Variants in DNM1 observed in about 807,000 individuals in gnomAD.
The protein encoded by DNM1 is dynamin 1.
Under a neutral mutation model 104.6 loss-of-function variants are expected in DNM1, and 29 were observed. The observed-to-expected ratio is 0.28, with a 90% confidence interval of 0.21 to 0.38. The LOEUF (loss-of-function observed/expected upper bound fraction) is 0.38. DNM1 is among the 10% of genes least tolerant of loss of function. The pLI, the probability that DNM1 is intolerant of heterozygous loss-of-function variation, is 1.00. For synonymous variants in DNM1, 445 were observed against 475.8 expected, an observed-to-expected ratio of 0.94 and a Z score of 0.84; for missense variants, 640 against 1,189.4, an observed-to-expected ratio of 0.54 and a Z score of 6.79.
chr9:128,234,451 G>A (rs1014168259), intron 11 of DNM1, among the ~76,000 whole-genome samples: 5 of 152,184 alleles, frequency 3.3e-5, no homozygotes, highest in South Asian at 2.1e-4. Flanking sequence ...TGCAACCTCC[G>A]CCTCTTGGGT....
At chr9:128,229,725 G>A (rs1310056239) in intron 10 of DNM1, among the ~76,000 whole-genome samples, 3 of 151,290 alleles carry the variant, frequency 2.0e-5, no homozygotes, top group East Asian at 3.9e-4. Flanking sequence ...GACCAGTCTC[G>A]CCAAATAGTG....
rs73672476 is a variant in DNM1 at position 128,244,287 on chromosome 9, G to A, written c.1671+1942G>A. On this transcript the variant is annotated intron_variant, in intron 15 of 21. Coordinates refer to ENST00000372923, the MANE Select transcript of DNM1 (RefSeq NM_004408.4). ...ACTTGTGTGTGTCCGTGTGGGACAT[G>A]GGTGTGAGATTGAAAGTGTGGGGGT... is the stretch of plus-strand genomic sequence containing the variant. Among the ~76,000 whole-genome samples the A allele has an allele frequency of 3.9e-3, 591 of 151,996 alleles. 3 individuals carry two copies. The highest frequency in any genetic ancestry group is 0.014 in the African/African-American group (564 of 41,402).
intron 1 of DNM1, among the ~76,000 whole-genome samples, chr9:128,210,348 CATT>C (rs61012054): frequency 1.7e-3 from 238 of 141,608 alleles, no homozygotes; most frequent in African/African-American, 4.4e-3. Context: ...ATTTATTTGG[CATT>C]ATTATTATTA....
Position 128,222,230 on chromosome 9 carries a change from G to C in DNM1, c.883G>C (p.Gly295Arg). The C allele has an allele frequency of 6.2e-7, 1 of 1,614,120 alleles. No individual in the cohort carries two copies. The highest frequency in any genetic ancestry group is 1.1e-5 in the South Asian group (1 of 91,088). The change falls in exon 7 of 22, where the codon GGG becomes CGG. Residue 295 changes from glycine to arginine, a missense_variant. Around this residue, in one of 7 missense-constraint regions of DNM1, gnomAD observed 81 missense variants for 99.8 expected, o/e 0.81. Transcript: ENST00000372923. The surrounding 1 kb of genome is among the most constrained non-coding windows in gnomAD (Gnocchi z 7.8). ...GAACCACATCCGGGACACACTGCCG[G>C]GGCTGCGGAACAAGCTGCAGAGCCA... ...LTNHIRDTLP[G>R]LRNKLQSQLL...
chr9:128,227,243 A>G (rs1835400045), intron 10 of DNM1, among the ~76,000 whole-genome samples: 1 of 151,654 alleles, frequency 6.6e-6, no homozygotes, highest in Non-Finnish European at 1.5e-5. Flanking sequence ...TGAACCCCTG[A>G]CCGGAGGTGA....
At chr9:128,233,106 G>A (rs909240122) in intron 10 of DNM1, among the ~76,000 whole-genome samples, 4 of 152,256 alleles carry the variant, frequency 2.6e-5, no homozygotes, top group Non-Finnish European at 4.4e-5. Context: ...GAGCCCGACT[G>A]AGCTGAGGGC....
At chr9:128,249,642 G>T (rs1564353895) in intron 19 of DNM1, among the ~76,000 whole-genome samples, 1 of 148,280 alleles carries the variant, frequency 6.7e-6, no homozygotes, top group Non-Finnish European at 1.5e-5. Context: ...GGTAACAAGA[G>T]TGAAACTCCG....
At position 128,250,934 on chromosome 9, in the gene DNM1, TC is replaced by T; in HGVS notation, c.2532del (p.Ser845AlafsTer43). 6 of 1,372,338 alleles carry T rather than the reference TC, an allele frequency of 4.4e-6. No homozygotes were observed. Among genetic ancestry groups the T allele is most frequent in the South Asian group, 1.7e-5 (1 of 60,480 alleles). 85.0% of individuals were successfully genotyped at this position (1,372,338 alleles called of 1,614,324 possible). On this transcript the variant is annotated frameshift_variant, in exon 21 of 22. Coordinates refer to ENST00000372923, the MANE Select transcript of DNM1 (RefSeq NM_004408.4). LOFTEE classifies it high-confidence loss of function. ...CGCCCCAACCGCGCCCCGCCCGGGG[TC>T]CCCAGGTGAGTAGGGGCTGAATGCG... ...PSRPNRAPPG[V>X]PSRSGQASPS...
intron 15 of DNM1, 28 bp downstream of exon 15, chr9:128,242,373 G>C (rs1391083333): frequency 2.3e-6 from 3 of 1,311,474 alleles, no homozygotes; most frequent in Non-Finnish European, 3.3e-6. Flanking sequence ...GGTCATCAAG[G>C]GGCTGGGCTG....
intron 1 of DNM1, among the ~76,000 whole-genome samples, chr9:128,214,660 T>C (rs1057457649): frequency 2.0e-5 from 3 of 152,190 alleles, no homozygotes; most frequent in Non-Finnish European, 2.9e-5. Flanking sequence ...TTGGGGTTCC[T>C]GAGAGGTGTT....
chr9:128,254,560 CGCGGCCG>C lies in DNM1; in HGVS notation c.2535-91_2535-85del. ...CCCGGCCCTCCCACCACTGCTGCGG[CGCGGCCG>C]GCCCCGGCCGTGTGCTGCGCTTGCC... is the stretch of plus-strand genomic sequence containing the variant. On this transcript the variant is annotated intron_variant, in intron 21 of 21. Transcript: ENST00000372923. This position sits in a 1 kb window ranked among gnomAD's most constrained non-coding sequence, Gnocchi z 6.1. 2 of 1,582,848 alleles carry C rather than the reference CGCGGCCG, an allele frequency of 1.3e-6. No individual in the cohort carries two copies. The highest frequency in any genetic ancestry group is 1.7e-6 in the Non-Finnish European group (2 of 1,172,742).
At chr9:128,209,954 T>C (rs1226567089) in intron 1 of DNM1, among the ~76,000 whole-genome samples, 1 of 152,220 alleles carries the variant, frequency 6.6e-6, no homozygotes, top group East Asian at 1.9e-4. Flanking sequence ...TAAGTGTAAG[T>C]CTCAGACTAA....
intron 10 of DNM1, among the ~76,000 whole-genome samples, chr9:128,228,444 G>A (rs754099383): frequency 1.4e-4 from 21 of 152,156 alleles, no homozygotes; most frequent in Non-Finnish European, 2.6e-4. Flanking sequence ...CAAAATGCTG[G>A]GTTTATAGGC....
At position 128,203,669 on chromosome 9, in the gene DNM1, C is replaced by T; in HGVS notation, c.161+38C>T. 2 of 1,478,020 alleles carry T rather than the reference C, an allele frequency of 1.4e-6. No individual in the cohort carries two copies. The highest frequency in any genetic ancestry group is 1.5e-5 in the African/African-American group (1 of 68,528). The allele number at this position is 1,478,020 out of a possible 1,614,324, so 91.6% of individuals were successfully genotyped here. On this transcript the variant is annotated intron_variant, in intron 1 of 21. Coordinates refer to ENST00000372923, the MANE Select transcript of DNM1 (RefSeq NM_004408.4). This position sits in a 1 kb window ranked among gnomAD's most constrained non-coding sequence, Gnocchi z 5.3. Reference sequence around the variant, plus strand: ...CGCCCCCAGGCGCCGACCCCCGACCCCCGGGATCCCTGGAGTCCCCGCCCG... The same window carrying T: ...CGCCCCCAGGCGCCGACCCCCGACCTCCGGGATCCCTGGAGTCCCCGCCCG...
rs761514698 is a variant in DNM1, at chr9:128,222,427, C to A, written c.993-34C>A. ...CCAGGGTTCCCTTTGCTGGGCTGCTCCTGCCCCCTCAGGCCACACCACTCT... is the reference window on the plus strand; with the variant it reads ...CCAGGGTTCCCTTTGCTGGGCTGCTACTGCCCCCTCAGGCCACACCACTCT... On this transcript the variant is annotated intron_variant, in intron 7 of 21. Transcript: ENST00000372923. This position sits in a 1 kb window ranked among gnomAD's most constrained non-coding sequence, Gnocchi z 7.8. 3.7e-6 allele frequency: 6 copies of A among 1,612,384 alleles called. No homozygotes were observed. In the African/African-American group the frequency reaches 8.0e-5, roughly 22 times the overall value.
At chr9:128,235,332 A>G (rs2131233468) in intron 11 of DNM1, among the ~76,000 whole-genome samples, 1 of 152,038 alleles carries the variant, frequency 6.6e-6, no homozygotes, top group Non-Finnish European at 1.5e-5. Context: ...CGTCTCTACT[A>G]AAAATACAAA....
chr9:128,224,159 G>A lies in DNM1; in HGVS notation c.1197-92G>A, dbSNP rs1440847276. 187 of 1,495,766 alleles carry A rather than the reference G, an allele frequency of 1.3e-4. No homozygotes were observed. Among genetic ancestry groups the A allele is most frequent in the Non-Finnish European group, 1.7e-4 (185 of 1,116,628 alleles). The allele number at this position is 1,495,766 out of a possible 1,614,324, so 92.7% of individuals were successfully genotyped here. On this transcript the variant is annotated intron_variant, in intron 9 of 21. Transcript: ENST00000372923. The surrounding 1 kb of genome is among the most constrained non-coding windows in gnomAD (Gnocchi z 4.3). ...GGGTAGTGGAAGGGCCCCTCAGGCA[G>A]AGTTCGTGGGCTTGGGGAGGAGCCT...
intron 10 of DNM1, among the ~76,000 whole-genome samples, chr9:128,231,740 T>G (rs186079782): frequency 3.5e-4 from 54 of 152,306 alleles, no homozygotes; most frequent in Admixed American, 1.9e-3. Context: ...GGGCATGGGA[T>G]GTGCTGCTCA....
At chr9:128,225,160 C>T (rs1427211198) in intron 10 of DNM1, among the ~76,000 whole-genome samples, 4 of 152,172 alleles carry the variant, frequency 2.6e-5, no homozygotes, top group East Asian at 1.9e-4. Context: ...CTTGAAGCCA[C>T]GGCTCTGGAC....
Sources: allele counts gnomAD v4.1 joint callset (sites outside exome capture counted in the v4.1 genomes callset), GRCh38; gene constraint gnomAD v4.1.1; regional missense constraint gnomAD v4.1.1; non-coding constraint Gnocchi (gnomAD v3.1); transcripts MANE v1.5; gene names NCBI Gene and HGNC (gene_info 2026-07-23, HGNC 2026-07-21).